Variants in CCDC38 observed in about 807,000 individuals in gnomAD.
The protein encoded by CCDC38 is coiled-coil domain containing 38.
A neutral mutation model predicts 72.8 loss-of-function variants in CCDC38; 69 were observed. The ratio of observed to expected loss-of-function variants is 0.95; its 90% CI spans 0.78 to 1.16. The LOEUF is 1.16. CCDC38 is among the 50% of genes most tolerant of loss of function. The pLI is 0.00. For missense variants in CCDC38, 626 were observed against 638.9 expected (o/e 0.98, Z 0.22); for synonymous variants, 201 against 213.2 (o/e 0.94, Z 0.50).
chr12:95,888,642 C>A, intron 9 of CCDC38, 136 bp from the exon 10 acceptor site: 1 of 669,552 alleles, frequency 1.5e-6, no homozygotes, highest in Non-Finnish European at 2.6e-6. Context: ...TTACTTCTTT[C>A]TTTTTTTAAA....
At position 95,934,330 on chromosome 12, in the gene CCDC38, G is replaced by T. The variant is rs569486868; in HGVS notation, c.37+2143C>A. 1.8e-4 allele frequency: 28 copies of T among 152,174 alleles called. No individual in the cohort carries two copies. The South Asian group carries it at 2.5e-3, about 14-fold the overall frequency. The allele number at this position is 152,174 out of a possible 1,614,324, so 9.4% of individuals were successfully genotyped here. On this transcript the variant is annotated intron_variant, in intron 2 of 15. Transcript: ENST00000344280. Reference sequence around the variant, plus strand: ...TCTTTGGGTTCTGATGGGTTCAAAGGTTCATATTATGTTATTAATATATAA... The same window carrying T: ...TCTTTGGGTTCTGATGGGTTCAAAGTTTCATATTATGTTATTAATATATAA...
intron 2 of CCDC38, chr12:95,933,460 C>G (rs926259728): frequency 1.3e-5 from 2 of 152,136 alleles, no homozygotes; most frequent in African/African-American, 4.8e-5. Flanking sequence ...CATTAGTTAT[C>G]AGGGAAATGC....
chr12:95,918,628 T>C (rs987152028), intron 3 of CCDC38, among the ~76,000 whole-genome samples: 3 of 152,194 alleles, frequency 2.0e-5, no homozygotes, highest in African/African-American at 4.8e-5. Flanking sequence ...CAGTGTACCA[T>C]ACGTGTCCTA....
chr12:95,908,448 G>GA (rs1355333245), intron 4 of CCDC38, among the ~76,000 whole-genome samples: 1 of 216 alleles, frequency 4.6e-3, no homozygotes, highest in Non-Finnish European at 7.8e-3. Context: ...GTGGAAAGAG[G>GA]GAGAGGGAGA....
At chr12:95,880,311 G>C (rs79398728) in intron 11 of CCDC38, among the ~76,000 whole-genome samples, 19,926 of 152,152 alleles carry the variant, frequency 0.13, 1,775 homozygotes, top group Non-Finnish European at 0.19. Flanking sequence ...TGGATAAATG[G>C]ATTAAGTCAA....
intron 2 of CCDC38, among the ~76,000 whole-genome samples, chr12:95,927,789 C>G (rs1484635828): frequency 1.3e-5 from 2 of 150,482 alleles, no homozygotes; most frequent in Admixed American, 1.3e-4. Context: ...ATTTCTCCTT[C>G]ACTTACGAAG....
chr12:95,870,331 TTAAG>T (rs942242109), intron 14 of CCDC38, among the ~76,000 whole-genome samples: 11 of 152,250 alleles, frequency 7.2e-5, no homozygotes, highest in South Asian at 4.1e-4. Flanking sequence ...GAGGGAAAAA[TTAAG>T]TAATCTGTGC....
chr12:95,891,477 C>G (rs2079826493), intron 8 of CCDC38, among the ~76,000 whole-genome samples: 2 of 152,084 alleles, frequency 1.3e-5, no homozygotes, highest in African/African-American at 4.8e-5. Flanking sequence ...TCCAGAGTAG[C>G]TGGGACTACA....
intron 14 of CCDC38, chr12:95,869,795 T>C: frequency 4.3e-6 from 2 of 467,646 alleles, no homozygotes; most frequent in South Asian, 5.2e-5. Context: ...TTTTGGAAAA[T>C]ATAAAATATA....
chr12:95,925,630 G>C (rs2080261543), intron 2 of CCDC38, among the ~76,000 whole-genome samples: 1 of 152,218 alleles, frequency 6.6e-6, no homozygotes, highest in East Asian at 1.9e-4. Flanking sequence ...GTTTTCAAAG[G>C]GAATGCTTCC....
intron 2 of CCDC38, 102 bp downstream of exon 2, chr12:95,936,371 A>G (rs2080393945): frequency 7.7e-6 from 8 of 1,034,908 alleles, no homozygotes; most frequent in Non-Finnish European, 1.1e-5. Context: ...ATTACATTTT[A>G]TATTTATGGT....
chr12:95,925,427 A>G (rs1182626689), intron 2 of CCDC38, among the ~76,000 whole-genome samples: 1 of 152,212 alleles, frequency 6.6e-6, no homozygotes, highest in Non-Finnish European at 1.5e-5. Context: ...TTACCAGCTT[A>G]AGGAGATTTG....
intron 2 of CCDC38, among the ~76,000 whole-genome samples, chr12:95,920,649 G>GC (rs1268261631): frequency 2.6e-5 from 4 of 151,974 alleles, no homozygotes; most frequent in African/African-American, 9.7e-5. Flanking sequence ...TCCAGAATAG[G>GC]CATATTCATG....
At chr12:95,888,326 T>C in intron 10 of CCDC38, 132 bp downstream of exon 10, 1 of 761,808 alleles carries the variant, frequency 1.3e-6, no homozygotes, top group South Asian at 1.7e-5. Flanking sequence ...TGCACAGAAA[T>C]GGCACCACTA....
chr12:95,929,306 G>A (rs1169099857), intron 2 of CCDC38, among the ~76,000 whole-genome samples: 6 of 152,152 alleles, frequency 3.9e-5, no homozygotes, highest in Non-Finnish European at 8.8e-5. Flanking sequence ...GATTTTCGAG[G>A]TGCCATCTGT....
intron 11 of CCDC38, among the ~76,000 whole-genome samples, chr12:95,880,248 A>C (rs551650441): frequency 6.6e-6 from 1 of 152,204 alleles, no homozygotes; most frequent in African/African-American, 2.4e-5. Context: ...TTGCACACCC[A>C]TGTTCCTCAT....
intron 14 of CCDC38, among the ~76,000 whole-genome samples, chr12:95,871,732 T>TGTG (rs1360175500): frequency 7.3e-6 from 1 of 136,436 alleles, no homozygotes; most frequent in African/African-American, 2.9e-5. Flanking sequence ...AAACCCTCAT[T>TGTG]GTGTTGCTCA....
intron 15 of CCDC38, among the ~76,000 whole-genome samples, chr12:95,868,068 TG>T (rs1304124844): frequency 6.6e-6 from 1 of 152,224 alleles, no homozygotes; most frequent in Non-Finnish European, 1.5e-5. Context: ...AATTTTTAAC[TG>T]TCAAAGATCT....
At chr12:95,903,364 C>A in intron 5 of CCDC38, 1 of 691,156 alleles carries the variant, frequency 1.4e-6, no homozygotes, top group Non-Finnish European at 2.6e-6. Context: ...CATTTCCAAT[C>A]TAAATGTCTT....
Sources: allele counts gnomAD v4.1 joint callset (sites outside exome capture counted in the v4.1 genomes callset), GRCh38; gene constraint gnomAD v4.1.1; transcripts MANE v1.5; gene names NCBI Gene and HGNC (gene_info 2026-07-23, HGNC 2026-07-21).